Variants in RNF130 observed in about 807,000 individuals in gnomAD.
The protein encoded by RNF130 is E3 ubiquitin-protein ligase RNF130.
Under a neutral mutation model 44.6 loss-of-function variants are expected in RNF130, and 21 were observed. The observed-to-expected ratio is 0.47, with a 90% CI of 0.33 to 0.68. RNF130 has a LOEUF of 0.68. Among genes scored for constraint, RNF130 ranks in the 30% least tolerant of loss-of-function variants. The pLI, the probability that RNF130 is intolerant of heterozygous loss-of-function variation, is 0.02. For missense variants in RNF130, 479 were observed against 560.6 expected (o/e 0.85, Z 1.47); for synonymous variants, 214 against 210.4 (o/e 1.02, Z -0.15).
chr5:179,968,167 TGCCTGTACTCCCA>T (rs1762493011), intron 6 of RNF130, among the ~76,000 whole-genome samples: 2 of 151,790 alleles, frequency 1.3e-5, no homozygotes, highest in Non-Finnish European at 2.9e-5. Context: ...TGGTGGCGGG[TGCCTGTACTCCCA>T]GCTACTCGGG....
intron 5 of RNF130, among the ~76,000 whole-genome samples, chr5:179,971,116 T>C (rs1762572081): frequency 6.6e-6 from 1 of 151,892 alleles, no homozygotes; most frequent in Non-Finnish European, 1.5e-5. Flanking sequence ...TTCTCTCTTA[T>C]TCAGGCAAGT....
At chr5:179,930,348 A>G (rs759705482) in intron 7 of RNF130, among the ~76,000 whole-genome samples, 18 of 152,126 alleles carry the variant, frequency 1.2e-4, no homozygotes, top group Admixed American at 3.3e-4. Context: ...GAGCCACTGC[A>G]CCCGGCCAAA....
chr5:179,978,182 A>G, intron 5 of RNF130, 21 bp downstream of exon 5: 1 of 1,589,724 alleles, frequency 6.3e-7, no homozygotes, highest in Non-Finnish European at 8.6e-7. Flanking sequence ...ATTCTTTCTC[A>G]AACAAATGAA....
intron 1 of RNF130, among the ~76,000 whole-genome samples, chr5:180,045,308 G>T (rs1463256138): frequency 6.6e-6 from 1 of 152,194 alleles, no homozygotes; most frequent in Non-Finnish European, 1.5e-5. Context: ...CTTCAAGAAG[G>T]AAGCCGCGGA....
At chr5:179,949,416 T>G (rs1026754101) in intron 7 of RNF130, among the ~76,000 whole-genome samples, 1 of 151,828 alleles carries the variant, frequency 6.6e-6, no homozygotes, top group Non-Finnish European at 1.5e-5. Context: ...CAAGCCACCA[T>G]GTCCAGCTAA....
intron 1 of RNF130, among the ~76,000 whole-genome samples, chr5:180,067,469 G>A (rs116565981): frequency 0.011 from 1,610 of 152,280 alleles, 22 homozygotes; most frequent in South Asian, 0.026. Flanking sequence ...TTAGAGGTTC[G>A]CTGTAAGAGA....
At chr5:180,061,912 A>C (rs1275247752) in intron 1 of RNF130, among the ~76,000 whole-genome samples, 1 of 152,166 alleles carries the variant, frequency 6.6e-6, no homozygotes, top group Admixed American at 6.5e-5. Context: ...AATTTGTTTC[A>C]CATAGTTCTG....
At chr5:179,961,847 A>G (rs573095351) in intron 8 of RNF130, among the ~76,000 whole-genome samples, 5 of 152,288 alleles carry the variant, frequency 3.3e-5, no homozygotes, top group African/African-American at 1.2e-4. Flanking sequence ...ATAAAGGCAG[A>G]TGGTCATCTG....
intron 7 of RNF130, chr5:179,920,564 A>ATCTTATC (rs1761614305): frequency 1.7e-6 from 1 of 578,764 alleles, no homozygotes; most frequent in Non-Finnish European, 3.1e-6. Context: ...CTTATTAGAG[A>ATCTTATC]GATACAAAAA....
Position 179,973,377 on chromosome 5 carries a change from T to C in RNF130, c.849-2871A>G, listed in dbSNP as rs544527255. On this transcript the variant is annotated intron_variant, in intron 5 of 8. Coordinates refer to ENST00000521389, the MANE Select transcript of RNF130 (RefSeq NM_018434.6). ...CTAACCCTCCTGCTAGTCTCTTCAG[T>C]GCAACTTTCACTGAACTCACTGTGG... 6.6e-5 allele frequency among the ~76,000 whole-genome samples: 10 copies of C among 152,344 alleles called. No homozygotes were observed. The South Asian group carries it at 2.1e-3, about 32-fold the overall frequency.
intron 7 of RNF130, among the ~76,000 whole-genome samples, chr5:179,925,256 G>A (rs918000268): frequency 6.7e-6 from 1 of 150,216 alleles, no homozygotes; most frequent in Non-Finnish European, 1.5e-5. Context: ...GCGGAGAGGG[G>A]CTGAAAGTTA....
At position 179,977,857 on chromosome 5, in the gene RNF130, AAAATAAATAAAT is replaced by A. The variant is rs570884111; in HGVS notation, c.848+334_848+345del. Among the ~76,000 whole-genome samples, 1 of 152,240 alleles carries A rather than the reference AAAATAAATAAAT, an allele frequency of 6.6e-6. No homozygotes were observed. Among genetic ancestry groups the A allele is most frequent in the Non-Finnish European group, 1.5e-5 (1 of 68,030 alleles). On this transcript the variant is annotated intron_variant, in intron 5 of 8. Coordinates refer to ENST00000521389, the MANE Select transcript of RNF130 (RefSeq NM_018434.6). The surrounding 1 kb of genome is among the most constrained non-coding windows in gnomAD (Gnocchi z 4.1). ...GTGACAGAGCGAGACTCCGTCTCAA[AAAATAAATAAAT>A]AAATAAATAAAAGAAAACAAACATA...
intron 7 of RNF130, among the ~76,000 whole-genome samples, chr5:179,924,704 G>A (rs559625075): frequency 6.6e-6 from 1 of 152,148 alleles, no homozygotes; most frequent in African/African-American, 2.4e-5. Context: ...CAGGAGAATT[G>A]CTTAAACCTG....
intron 7 of RNF130, among the ~76,000 whole-genome samples, chr5:179,945,821 C>T (rs939581921): frequency 1.3e-5 from 2 of 151,350 alleles, no homozygotes; most frequent in Non-Finnish European, 2.9e-5. Flanking sequence ...AGTGCATGCA[C>T]GCTTCCAGAT....
intron 8 of RNF130, among the ~76,000 whole-genome samples, chr5:179,958,750 G>C (rs1385885423): frequency 6.6e-6 from 1 of 152,062 alleles, no homozygotes; most frequent in African/African-American, 2.4e-5. Flanking sequence ...GCAATGGGGC[G>C]ATCTCGGCTC....
chr5:179,973,113 T>TG (rs1442285423), intron 5 of RNF130, among the ~76,000 whole-genome samples: 5 of 152,176 alleles, frequency 3.3e-5, no homozygotes, highest in Non-Finnish European at 4.4e-5. Flanking sequence ...CTCTTACTCC[T>TG]GACCCTACCT....
chr5:179,992,976 T>C (rs1236464128), intron 3 of RNF130, among the ~76,000 whole-genome samples: 10 of 152,216 alleles, frequency 6.6e-5, no homozygotes, highest in Non-Finnish European at 1.2e-4. Flanking sequence ...CATGTGGTGT[T>C]TGGTTTTCTG....
At chr5:180,005,947 T>TA (rs1321419634) in intron 3 of RNF130, among the ~76,000 whole-genome samples, 4 of 152,200 alleles carry the variant, frequency 2.6e-5, no homozygotes, top group East Asian at 3.8e-4. Context: ...TTTTGTGCTT[T>TA]AAAAAAATCA....
At chr5:179,950,281 T>G (rs950644834), downstream of RNF130, among the ~76,000 whole-genome samples, 1 of 152,060 alleles carries the variant, frequency 6.6e-6, no homozygotes, top group Admixed American at 6.5e-5. Flanking sequence ...CACGCCTGGC[T>G]AATTTTTGTA....
Sources: allele counts gnomAD v4.1 joint callset (sites outside exome capture counted in the v4.1 genomes callset), GRCh38; gene constraint gnomAD v4.1.1; non-coding constraint Gnocchi (gnomAD v3.1); transcripts MANE v1.5; gene names NCBI Gene and HGNC (gene_info 2026-07-23, HGNC 2026-07-21).